The following KSR2 variants were observed in gnomAD, a reference collection of about 807,000 sequenced individuals.
KSR2 encodes kinase suppressor of ras 2.
In KSR2, 25 loss-of-function variants were observed where a neutral mutation model predicts 107.8. The ratio of observed to expected loss-of-function variants is 0.23; its 90% CI spans 0.17 to 0.32. The LOEUF is 0.32. KSR2 is among the 10% of genes least tolerant of loss of function. KSR2 has a pLI of 1.00. For synonymous variants in KSR2, 480 were observed against 507.0 expected (o/e 0.95, Z 0.71); for missense variants, 887 against 1,268.9 (o/e 0.70, Z 4.57).
At chr12:117,955,968 C>T (rs997882672) in intron 1 of KSR2, among the ~76,000 whole-genome samples, 1 of 151,720 alleles carries the variant, frequency 6.6e-6, no homozygotes, top group Non-Finnish European at 1.5e-5. Context: ...TTATCAAGGC[C>T]AGCCAGGCGC....
chr12:117,793,479 ACT>A (rs1427423322), intron 3 of KSR2, among the ~76,000 whole-genome samples: 2 of 146,172 alleles, frequency 1.4e-5, no homozygotes, highest in African/African-American at 2.6e-5. Flanking sequence ...CAACATGCAC[ACT>A]CACATCAACA....
intron 18 of KSR2, 148 bp from the exon 19 acceptor site, chr12:117,469,943 A>T (rs12579470): frequency 0.016 from 11,495 of 738,646 alleles, 259 homozygotes; most frequent in East Asian, 0.08. Context: ...CCATCCATCC[A>T]CCCATCCGGT....
intron 4 of KSR2, among the ~76,000 whole-genome samples, chr12:117,702,515 A>T (rs551875570): frequency 3.3e-5 from 5 of 152,330 alleles, no homozygotes; most frequent in African/African-American, 1.2e-4. Flanking sequence ...AAAAGGAAGG[A>T]AACAGAAAAG....
In KSR2 at chr12:117,690,384, C is replaced by T. The variant is rs573616575; in HGVS notation, c.987-22726G>A. Among the ~76,000 whole-genome samples, 7 of 152,040 alleles carry T rather than the reference C, an allele frequency of 4.6e-5. No individual in the cohort carries two copies. The East Asian group carries it at 9.7e-4, about 21-fold the overall frequency. ...TTCGAGACCAGCCTGGCCAACATGG[C>T]GAAACCCCGTCTCTATTAAAAATAC... On this transcript the variant is annotated intron_variant, in intron 4 of 19. Transcript: ENST00000339824.
At chr12:117,942,777 G>T (rs1265690986) in intron 1 of KSR2, among the ~76,000 whole-genome samples, 1 of 151,788 alleles carries the variant, frequency 6.6e-6, no homozygotes, top group Non-Finnish European at 1.5e-5. Context: ...TGGGATTACA[G>T]GCATGAACTA....
intron 5 of KSR2, among the ~76,000 whole-genome samples, chr12:117,623,788 C>T (rs1882321000): frequency 6.6e-6 from 1 of 152,152 alleles, no homozygotes; most frequent in South Asian, 2.1e-4. Flanking sequence ...AGTTCTAGAT[C>T]CTTGAGGAAT....
intron 1 of KSR2, among the ~76,000 whole-genome samples, chr12:117,861,942 C>A (rs1401775477): frequency 6.6e-6 from 1 of 152,104 alleles, no homozygotes; most frequent in African/African-American, 2.4e-5. Context: ...ACCTGTGTGT[C>A]TGAGCAGAGA....
intron 3 of KSR2, among the ~76,000 whole-genome samples, chr12:117,815,937 T>C (rs1270518338): frequency 1.3e-5 from 2 of 150,276 alleles, no homozygotes; most frequent in African/African-American, 4.9e-5. Context: ...ATGGTGCCAC[T>C]TCACTCCAGC....
chr12:117,653,807 T>C (rs1156589939), intron 5 of KSR2, among the ~76,000 whole-genome samples: 1 of 152,222 alleles, frequency 6.6e-6, no homozygotes, highest in Non-Finnish European at 1.5e-5. Flanking sequence ...CTCCAGTGCA[T>C]TTATCAAGTG....
intron 3 of KSR2, among the ~76,000 whole-genome samples, chr12:117,814,000 T>C (rs1891288174): frequency 6.6e-6 from 1 of 152,204 alleles, no homozygotes; most frequent in African/African-American, 2.4e-5. Context: ...GAGGACATTA[T>C]ATTAAGTGAA....
intron 4 of KSR2, chr12:117,674,312 C>T (rs747005057): frequency 3.5e-5 from 18 of 507,736 alleles, no homozygotes; most frequent in Admixed American, 1.6e-4. Context: ...TCGCTGGAAT[C>T]GCAGACTCAC....
intron 5 of KSR2, among the ~76,000 whole-genome samples, chr12:117,601,684 T>G (rs369830916): frequency 3.3e-4 from 50 of 152,270 alleles, no homozygotes; most frequent in African/African-American, 1.0e-3. Flanking sequence ...CATCTTGATT[T>G]TTGGACTTCT....
rs747209731 is a variant in KSR2 at position 117,713,350 on chromosome 12, GTAGA to G, written c.987-45696_987-45693del. Among the ~76,000 whole-genome samples the G allele has an allele frequency of 1.0e-4, 15 of 150,622 alleles. No homozygotes were observed. The South Asian group carries it at 1.0e-3, about 10-fold the overall frequency. ...ATATATAGATATAGCTAAGTAGACA[GTAGA>G]TAGATAGGTAGATAGATAGACATAG... is the stretch of plus-strand genomic sequence containing the variant. On this transcript the variant is annotated intron_variant, in intron 4 of 19. Coordinates refer to ENST00000339824, the MANE Select transcript of KSR2 (RefSeq NM_173598.6).
intron 4 of KSR2, among the ~76,000 whole-genome samples, chr12:117,747,996 G>A (rs1888472869): frequency 6.6e-6 from 1 of 152,172 alleles, no homozygotes; most frequent in African/African-American, 2.4e-5. Flanking sequence ...AGAGATATCT[G>A]CACTACCATA....
At chr12:117,638,641 G>A (rs1218209717) in intron 5 of KSR2, among the ~76,000 whole-genome samples, 3 of 152,182 alleles carry the variant, frequency 2.0e-5, no homozygotes, top group South Asian at 2.1e-4. Context: ...AGGGGAAAGT[G>A]AGACCTGGTC....
chr12:117,550,928 C>T (rs1877259514), intron 9 of KSR2, among the ~76,000 whole-genome samples: 1 of 152,190 alleles, frequency 6.6e-6, no homozygotes, highest in Admixed American at 6.5e-5. Flanking sequence ...GATGATTTCC[C>T]TTTCTCTGAA....
intron 5 of KSR2, among the ~76,000 whole-genome samples, chr12:117,595,007 G>A (rs539515867): frequency 2.6e-5 from 4 of 152,212 alleles, no homozygotes; most frequent in East Asian, 1.9e-4. Context: ...GATCTCCATC[G>A]CCTGATACAA....
chr12:117,506,392 A>T (rs978035981), intron 14 of KSR2, among the ~76,000 whole-genome samples: 1 of 152,210 alleles, frequency 6.6e-6, no homozygotes, highest in Non-Finnish European at 1.5e-5. Context: ...TTTCCAGCCA[A>T]TATCACCTCT....
At chr12:117,930,487 T>A (rs1381857458) in intron 1 of KSR2, among the ~76,000 whole-genome samples, 2 of 152,286 alleles carry the variant, frequency 1.3e-5, no homozygotes, top group East Asian at 3.9e-4. Flanking sequence ...ATGTGGCACT[T>A]CTAATTAGCT....
Sources: gnomAD v4.1 joint callset for allele counts (sites outside exome capture counted in the v4.1 genomes callset) on GRCh38, gnomAD v4.1.1 for gene constraint, MANE v1.5 for transcripts, NCBI Gene and HGNC (gene_info 2026-07-23, HGNC 2026-07-21) for gene names.